Variants in RHBDL2 observed in about 807,000 individuals in gnomAD.
The protein encoded by RHBDL2 is rhomboid like 2, also known as rhomboid-related protein 2.
Under a neutral mutation model 31.7 loss-of-function variants are expected in RHBDL2, and 26 were observed. That is an observed-to-expected ratio of 0.82 (90% CI 0.60 to 1.14). The LOEUF is 1.14. Among genes scored for constraint, RHBDL2 ranks in the 50% most tolerant of loss-of-function variants. The pLI, the probability that RHBDL2 is intolerant of heterozygous loss-of-function variation, is 0.00. For synonymous variants in RHBDL2, 123 were observed against 127.2 expected, an observed-to-expected ratio of 0.97 and a Z score of 0.22; for missense variants, 336 against 364.4, an observed-to-expected ratio of 0.92 and a Z score of 0.63.
intron 3 of RHBDL2, chr1:38,913,501 T>C (rs1382901488): frequency 6.6e-6 from 1 of 151,774 alleles, no homozygotes; most frequent in Non-Finnish European, 1.5e-5. Flanking sequence ...CTTTCTATTT[T>C]ATTTTTTATT....
chr1:38,900,827 C>G (rs1642979724), intron 4 of RHBDL2, among the ~76,000 whole-genome samples: 1 of 151,962 alleles, frequency 6.6e-6, no homozygotes, highest in African/African-American at 2.4e-5. Context: ...GCAGGAGGAT[C>G]ACTTGAGGTC....
intron 1 of RHBDL2, among the ~76,000 whole-genome samples, chr1:38,920,148 G>A (rs1301395235): frequency 6.8e-6 from 1 of 147,390 alleles, no homozygotes; most frequent in Non-Finnish European, 1.5e-5. Flanking sequence ...TTTGTGGTTG[G>A]CTTCCTTCAC....
chr1:38,915,495 A>C, intron 3 of RHBDL2, 67 bp downstream of exon 3: 1 of 1,533,040 alleles, frequency 6.5e-7, no homozygotes, highest in South Asian at 1.2e-5. Context: ...TAAAGCACTC[A>C]ACAAATGTTA....
intron 4 of RHBDL2, among the ~76,000 whole-genome samples, chr1:38,904,639 G>A (rs780598985): frequency 2.1e-4 from 32 of 150,532 alleles, no homozygotes; most frequent in Non-Finnish European, 1.9e-4. Flanking sequence ...ACTAGTCTAG[G>A]TAATATGGCA....
chr1:38,935,916 AT>A (rs1291861504), intron 1 of RHBDL2, among the ~76,000 whole-genome samples: 11 of 149,800 alleles, frequency 7.3e-5, no homozygotes. Context: ...ACCCGGCCCT[AT>A]TTGGGTGTTT....
At chr1:38,896,187 A>C in intron 4 of RHBDL2, 118 bp from the exon 5 acceptor site, 1 of 715,506 alleles carries the variant, frequency 1.4e-6, no homozygotes, top group Non-Finnish European at 2.4e-6. Context: ...GCAAGCAACA[A>C]ATCTATTTTG....
rs1371408918 is a variant in RHBDL2 at position 38,919,287 on chromosome 1, G to A, written c.-75C>T. ...GCAGGTGGCCCTAGGTCCTCAGGCT[G>A]CCGCTCTTCCCTGGGCTGTCTGGCG... On this transcript the variant is annotated 5_prime_UTR_variant, in exon 2 of 8. Coordinates refer to ENST00000372990, the MANE Select transcript of RHBDL2 (RefSeq NM_017821.5). 6.2e-7 allele frequency: 1 copy of A among 1,611,214 alleles called. No homozygotes were observed. Among genetic ancestry groups the A allele is most frequent in the Admixed American group, 1.7e-5 (1 of 60,000 alleles).
At chr1:38,938,926 CA>C (rs1244299811) in intron 1 of RHBDL2, among the ~76,000 whole-genome samples, 4 of 152,170 alleles carry the variant, frequency 2.6e-5, no homozygotes, top group Non-Finnish European at 4.4e-5. Flanking sequence ...TGGAATGCAT[CA>C]GTAAATATTT....
chr1:38,887,027 C>T (rs1333214891), intron 7 of RHBDL2, among the ~76,000 whole-genome samples: 2 of 152,198 alleles, frequency 1.3e-5, no homozygotes, highest in African/African-American at 4.8e-5. Context: ...TCTATAGCAG[C>T]ATAATCTGAT....
At chr1:38,915,878 T>C (rs1643229287) in intron 2 of RHBDL2, among the ~76,000 whole-genome samples, 168 bp from the exon 3 acceptor site, 1 of 152,144 alleles carries the variant, frequency 6.6e-6, no homozygotes, top group African/African-American at 2.4e-5. Context: ...TCTGTGATGG[T>C]TTCCACCGTA....
At chr1:38,893,933 T>C (rs562014415) in intron 5 of RHBDL2, among the ~76,000 whole-genome samples, 34 of 152,154 alleles carry the variant, frequency 2.2e-4, no homozygotes, top group Non-Finnish European at 3.8e-4. Flanking sequence ...TTGGGTCCCT[T>C]ATGCGTCAGT....
intron 6 of RHBDL2, among the ~76,000 whole-genome samples, chr1:38,891,485 A>G (rs6674910): frequency 0.36 from 54,606 of 151,992 alleles, 10,984 homozygotes; most frequent in Non-Finnish European, 0.45. Flanking sequence ...CCCGTATCTC[A>G]GGTGACAACA....
intron 1 of RHBDL2, among the ~76,000 whole-genome samples, chr1:38,923,817 C>G (rs1643342720): frequency 6.6e-6 from 1 of 152,162 alleles, no homozygotes; most frequent in African/African-American, 2.4e-5. Context: ...AACCTCCTAC[C>G]TCTTATCTGC....
chr1:38,904,770 G>A (rs1236121315), intron 4 of RHBDL2, among the ~76,000 whole-genome samples: 1 of 149,938 alleles, frequency 6.7e-6, no homozygotes, highest in Non-Finnish European at 1.5e-5. Flanking sequence ...GGTGGCTCAC[G>A]CCTGTAATCC....
chr1:38,929,648 G>A, intron 1 of RHBDL2: 1 of 1,185,556 alleles, frequency 8.4e-7, no homozygotes, highest in South Asian at 1.4e-5. Flanking sequence ...TGGGCAGCGG[G>A]CTGTGCTGGG....
rs1643446010 is a variant in RHBDL2, at chr1:38,932,186, G to A, written c.-126+9496C>T. Among the ~76,000 whole-genome samples, 4 of 151,740 alleles carry A rather than the reference G, an allele frequency of 2.6e-5. 1 individual carries two copies. In the South Asian group the frequency reaches 8.3e-4, roughly 32 times the overall value. On this transcript the variant is annotated intron_variant, in intron 1 of 7. Coordinates refer to ENST00000372990, the MANE Select transcript of RHBDL2 (RefSeq NM_017821.5). ...AGAGGCCATGTAGAAGAGCACAAAA[G>A]TAGGAGTCTCTCTGAGCCTGGTCTG...
rs142032509 is a variant in RHBDL2, at chr1:38,915,540, G to T, written c.395+22C>A. ...ATGATATAATCACCTCTGATACCAG[G>T]GGCTTAACTATCATTGCTTACCCAG... On this transcript the variant is annotated intron_variant, in intron 3 of 7. Transcript: ENST00000372990. The T allele has an allele frequency of 1.9e-6, 3 of 1,611,884 alleles. No homozygotes were observed. In the East Asian group the frequency reaches 6.7e-5, roughly 36 times the overall value.
chr1:38,925,496 G>T (rs577861576), intron 1 of RHBDL2, among the ~76,000 whole-genome samples: 1 of 150,516 alleles, frequency 6.6e-6, no homozygotes, highest in Non-Finnish European at 1.5e-5. Flanking sequence ...CAGCCTGGGC[G>T]ACAGAGTGAG....
chr1:38,890,065 TCTCA>T (rs1642835514), intron 6 of RHBDL2, among the ~76,000 whole-genome samples: 1 of 151,272 alleles, frequency 6.6e-6, no homozygotes, highest in South Asian at 2.1e-4. Flanking sequence ...CAAGACGCAG[TCTCA>T]CTCTGTCGCC....
Sources: gnomAD v4.1 joint callset for allele counts (sites outside exome capture counted in the v4.1 genomes callset) on GRCh38, gnomAD v4.1.1 for gene constraint, MANE v1.5 for transcripts, NCBI Gene and HGNC (gene_info 2026-07-23, HGNC 2026-07-21) for gene names.